Variants in COL6A5 observed in about 807,000 individuals in gnomAD.
The protein encoded by COL6A5 is collagen type VI alpha 5 chain.
Under a neutral mutation model 65.6 loss-of-function variants are expected in COL6A5, and 48 were observed. The observed-to-expected ratio is 0.73, with a 90% CI of 0.58 to 0.93. COL6A5 has a LOEUF of 0.93. Ranked by LOEUF, COL6A5 falls within the 40% of genes least tolerant of loss-of-function variation. COL6A5 has a pLI of 0.00. For synonymous variants in COL6A5, 291 were observed against 322.8 expected, an observed-to-expected ratio of 0.90 and a Z score of 1.05; for missense variants, 914 against 928.3, an observed-to-expected ratio of 0.98 and a Z score of 0.20.
chr3:130,452,624 C>T (rs1263451772), intron 4 of COL6A5, among the ~76,000 whole-genome samples: 4 of 152,154 alleles, frequency 2.6e-5, no homozygotes, highest in Non-Finnish European at 5.9e-5. Flanking sequence ...AGGGCGAGAT[C>T]ACAGGACCAC....
chr3:130,408,067 A>G (rs533422216), intron 17 of COL6A5, among the ~76,000 whole-genome samples: 1 of 152,300 alleles, frequency 6.6e-6, no homozygotes, highest in African/African-American at 2.4e-5. Context: ...TGTTTGAACA[A>G]TATGAAATCT....
chr3:130,419,540 A>G (rs567452229), intron 25 of COL6A5, among the ~76,000 whole-genome samples: 68 of 152,318 alleles, frequency 4.5e-4, no homozygotes, highest in African/African-American at 1.5e-3. Context: ...ATGAATGGAT[A>G]AAGAAAATGT....
At chr3:130,445,711 A>G (rs1415430439) in intron 4 of COL6A5, among the ~76,000 whole-genome samples, 1 of 152,136 alleles carries the variant, frequency 6.6e-6, no homozygotes. Flanking sequence ...TTTAAGGGAA[A>G]GAATGAGCTG....
At chr3:130,380,972 C>G (rs1252955326) in intron 4 of COL6A5, among the ~76,000 whole-genome samples, 7 of 151,962 alleles carry the variant, frequency 4.6e-5, no homozygotes, top group Non-Finnish European at 8.8e-5. Flanking sequence ...GATCGTTGTC[C>G]AAAATAATGG....
rs1050718862 is a variant in COL6A5 at position 130,394,885 on chromosome 3, T to C, written c.2993-5T>C. On this transcript the variant is annotated splice_region_variant and splice_polypyrimidine_tract_variant and intron_variant and NMD_transcript_variant, in intron 7 of 41. Coordinates refer to the COL6A5 transcript ENST00000312481. Reference sequence around the variant, plus strand: ...GAAAATAATTTATTCTTTTTTCTATTGCAGTCTGTCATCTTCAGGAAGCTG... The same window carrying C: ...GAAAATAATTTATTCTTTTTTCTATCGCAGTCTGTCATCTTCAGGAAGCTG... The C allele has an allele frequency of 2.6e-6, 4 of 1,540,900 alleles. No homozygotes were observed. The highest frequency in any genetic ancestry group is 2.6e-6 in the Non-Finnish European group (3 of 1,142,670).
chr3:130,373,163 G>C (rs1338088771), intron 1 of COL6A5, among the ~76,000 whole-genome samples: 1 of 152,192 alleles, frequency 6.6e-6, no homozygotes, highest in African/African-American at 2.4e-5. Context: ...ATAAAGGGTA[G>C]AGAATAGTGA....
chr3:130,392,304 A>G lies in COL6A5; in HGVS notation c.2992+550A>G, dbSNP rs185572347. 5.6e-3 allele frequency among the ~76,000 whole-genome samples: 860 copies of G among 152,236 alleles called. 5 individuals are homozygous for G. Among genetic ancestry groups the G allele is most frequent in the Non-Finnish European group, 8.9e-3 (608 of 68,004 alleles). On this transcript the variant is annotated intron_variant and NMD_transcript_variant, in intron 7 of 41. Transcript: ENST00000312481. ...TGCAGAGGGCAGGATATGAGAGTTG[A>G]ACGTAGGGTAATGGAAGCTGGCTGA...
chr3:130,463,627 C>T (rs1709749835), intron 5 of COL6A5, among the ~76,000 whole-genome samples: 1 of 152,058 alleles, frequency 6.6e-6, no homozygotes, highest in Admixed American at 6.6e-5. Flanking sequence ...AAGCCAGCTC[C>T]CCTTCCTCTG....
chr3:130,452,860 G>A lies in COL6A5; in HGVS notation c.1333-2595G>A, dbSNP rs142388777. Among the ~76,000 whole-genome samples the A allele has an allele frequency of 6.1e-3, 934 of 152,200 alleles. 8 individuals are homozygous for A. The highest frequency in any genetic ancestry group is 0.02 in the African/African-American group (834 of 41,544). On this transcript the variant is annotated intron_variant, in intron 4 of 7. Coordinates refer to ENST00000512836, the Ensembl canonical transcript of COL6A5. ...CACACCCAAGGGGGCCATTTTAGAG[G>A]CCCACCCTCAGGGGCACATTCTCTT...
Position 130,468,793 on chromosome 3 carries a change from A to G in COL6A5, c.1545-2A>G. 3.7e-6 allele frequency: 6 copies of G among 1,601,298 alleles called. No homozygotes were observed. The highest frequency in any genetic ancestry group is 5.1e-6 in the Non-Finnish European group (6 of 1,172,648). On this transcript the variant is annotated splice_acceptor_variant, in intron 5 of 7. Coordinates refer to ENST00000512836, the Ensembl canonical transcript of COL6A5. LOFTEE classifies it high-confidence loss of function. ...AGAATGACTTGAGTTATTCTGTTGC[A>G]GGACATGAAAATTATGGCAGAAAAG...
At chr3:130,468,816 A>G in exon 6 of COL6A5, 1 of 1,608,654 alleles carries the variant, frequency 6.2e-7, no homozygotes, top group Non-Finnish European at 8.5e-7. Context: ...TATGGCAGAA[A>G]AGAAGAACCA....
chr3:130,433,670 A>G (rs1937914022), intron 1 of COL6A5, among the ~76,000 whole-genome samples: 1 of 152,144 alleles, frequency 6.6e-6, no homozygotes, highest in African/African-American at 2.4e-5. Flanking sequence ...GAAGGCATAG[A>G]GCTGCTACCC....
At chr3:130,359,058 ATGT>A (rs1367627894) in intron 1 of COL6A5, among the ~76,000 whole-genome samples, 36 of 152,200 alleles carry the variant, frequency 2.4e-4, no homozygotes, top group African/African-American at 8.4e-4. Flanking sequence ...ATCAGAATGG[ATGT>A]TGATTTCAAC....
At chr3:130,461,154 G>A (rs147003690) in intron 5 of COL6A5, among the ~76,000 whole-genome samples, 6 of 152,124 alleles carry the variant, frequency 3.9e-5, no homozygotes, top group Admixed American at 1.3e-4. Context: ...AGACTCAGAC[G>A]TAAGCTCTGT....
At chr3:130,396,977 C>G (rs886779125) in intron 8 of COL6A5, among the ~76,000 whole-genome samples, 8 of 152,184 alleles carry the variant, frequency 5.3e-5, no homozygotes, top group African/African-American at 1.9e-4. Context: ...ATTCTCCTGC[C>G]TCAGTCTCCC....
intron 6 of COL6A5, 25 bp from the exon 7 acceptor site, chr3:130,391,154 G>A (rs1936384802): frequency 6.6e-7 from 1 of 1,513,038 alleles, no homozygotes; most frequent in Non-Finnish European, 8.9e-7. Context: ...GAAAGTTTGT[G>A]ACTCCTGTTT....
intron 3 of COL6A5, among the ~76,000 whole-genome samples, chr3:130,377,220 C>T (rs6787631): frequency 0.019 from 2,881 of 152,234 alleles, 41 homozygotes; most frequent in Middle Eastern, 0.068. Flanking sequence ...CCCACCATCA[C>T]GAAGCAAGAA....
chr3:130,464,021 G>T (rs1709758908), intron 5 of COL6A5, among the ~76,000 whole-genome samples: 1 of 152,056 alleles, frequency 6.6e-6, no homozygotes, highest in African/African-American at 2.4e-5. Flanking sequence ...TTTATAAAGA[G>T]AAAACTGGAA....
In COL6A5 at chr3:130,468,860, C is replaced by CA; in HGVS notation, c.1612dup (p.Glu539ArgfsTer19). ...TTATGAACCTGGAGATGTCTCTCTT[C>CA]AAGAATATTACATGGATGTGGCTTT... On this transcript the variant is annotated frameshift_variant, in exon 6 of 8. Coordinates refer to ENST00000512836, the Ensembl canonical transcript of COL6A5. LOFTEE classifies it high-confidence loss of function. 6.2e-7 allele frequency: 1 copy of CA among 1,611,564 alleles called. No individual in the cohort carries two copies. The highest frequency in any genetic ancestry group is 8.5e-7 in the Non-Finnish European group (1 of 1,178,738).
Sources: allele counts gnomAD v4.1 joint callset (sites outside exome capture counted in the v4.1 genomes callset), GRCh38; gene constraint gnomAD v4.1.1; transcripts MANE v1.5; gene names NCBI Gene and HGNC (gene_info 2026-07-23, HGNC 2026-07-21).